Variants in SAPCD2 observed in about 807,000 individuals in gnomAD.
SAPCD2 encodes the protein suppressor APC domain-containing protein 2.
In SAPCD2, 34 loss-of-function variants were observed where a neutral mutation model predicts 37.8. The ratio of observed to expected loss-of-function variants is 0.90; its 90% CI spans 0.68 to 1.20. SAPCD2 has a LOEUF of 1.20. SAPCD2 is among the 50% of genes most tolerant of loss of function. The probability of loss-of-function intolerance (pLI) is 0.00; values close to 1 mark genes in which losing one functional copy is unlikely to be tolerated. For synonymous variants in SAPCD2, 275 were observed against 270.3 expected (o/e 1.02, Z -0.17); for missense variants, 572 against 584.7 (o/e 0.98, Z 0.22).
intron 2 of SAPCD2, 68 bp from the exon 3 acceptor site, chr9:137,065,736 G>A: frequency 1.3e-6 from 2 of 1,524,722 alleles, no homozygotes; most frequent in Non-Finnish European, 1.8e-6. Context: ...ACATGCATGA[G>A]CTCACCTGTG....
chr9:137,067,710 G>C (rs556553327), intron 1 of SAPCD2, among the ~76,000 whole-genome samples: 12 of 143,134 alleles, frequency 8.4e-5, no homozygotes, highest in East Asian at 6.5e-4. Context: ...GGAGGCGGAG[G>C]TTGCAGTGAG....
rs930119198 is a variant in SAPCD2 at position 137,070,369 on chromosome 9, C to A, written c.92G>T (p.Ser31Ile). Reference protein sequence around the residue: ...TEGLPRAFLQSLRTLFDILDD... With the variant: ...TEGLPRAFLQILRTLFDILDD... ...CAGGATGTCGAACAGGGTGCGCAGG[C>A]TCTGCAGGAAGGCGCGCGGCAGCCC... The change falls in exon 1 of 6, where the codon AGC (serine) becomes ATC (isoleucine). Residue 31 changes from serine (S) to isoleucine (I), a missense_variant. Physicochemically the swap from Ser to Ile is moderately radical, Grantham distance 142 (BLOSUM62 -2). Coordinates refer to ENST00000409687, the MANE Select transcript of SAPCD2 (RefSeq NM_178448.4). 7.0e-7 allele frequency: 1 copy of A among 1,434,040 alleles called. No homozygotes were observed. The highest frequency in any genetic ancestry group is 3.1e-5 in the East Asian group (1 of 32,632). 88.8% of individuals were successfully genotyped at this position (1,434,040 alleles called of 1,614,324 possible).
Position 137,068,345 on chromosome 9 carries a change from G to C in SAPCD2, c.571+1545C>G, listed in dbSNP as rs1485255829. On this transcript the variant is annotated intron_variant, in intron 1 of 5. Transcript: ENST00000409687. ...CCATAGAGCAGCTCCTGGGTCCCCA[G>C]ATAGCAGCGTGCTGGGTGATGAGCT... 3.9e-5 allele frequency among the ~76,000 whole-genome samples: 6 copies of C among 152,254 alleles called. No homozygotes were observed. The East Asian group carries it at 1.2e-3, about 29-fold the overall frequency.
Position 137,064,540 on chromosome 9 carries a change from C to A in SAPCD2, c.*119G>T. The A allele has an allele frequency of 1.6e-6, 2 of 1,248,830 alleles. No individual in the cohort carries two copies. Among genetic ancestry groups the A allele is most frequent in the Middle Eastern group, 5.4e-4 (2 of 3,726 alleles). 77.4% of individuals were successfully genotyped at this position (1,248,830 alleles called of 1,614,324 possible). A position where few individuals can be genotyped will look rare whatever the true frequency, so the allele number is the denominator to read the frequency against. On this transcript the variant is annotated 3_prime_UTR_variant, in exon 6 of 6. Transcript: ENST00000409687. Reference sequence around the variant, plus strand: ...AAGGGCGGCAGGAAGGCGCCCACTCCGGGACTGTGCCTGGGCCTGCCGGGG... The same window carrying A: ...AAGGGCGGCAGGAAGGCGCCCACTCAGGGACTGTGCCTGGGCCTGCCGGGG...
Position 137,064,972 on chromosome 9 carries a change from G to T in SAPCD2, c.947C>A (p.Pro316His). 1 of 1,525,716 alleles carries T rather than the reference G, an allele frequency of 6.6e-7. No individual in the cohort carries two copies. Among genetic ancestry groups the T allele is most frequent in the Middle Eastern group, 1.8e-4 (1 of 5,414 alleles). 94.5% of individuals were successfully genotyped at this position (1,525,716 alleles called of 1,614,324 possible). A position where few individuals can be genotyped will look rare whatever the true frequency, so the allele number is the denominator to read the frequency against. The change falls in exon 5 of 6, where the codon CCC (proline) becomes CAC (histidine). Residue 316 changes from proline to histidine, a missense_variant. Physicochemically the swap from Pro to His is moderately conservative, Grantham distance 77. Coordinates refer to ENST00000409687, the MANE Select transcript of SAPCD2 (RefSeq NM_178448.4). ...GCAGGGGGGCCCGGAGGAGGACGGG[G>T]GCAGGGCCTGCGGGAGGGCAGGATT... ...LAAACASRAL[P>H]PSSSGPPCPA...
In SAPCD2 at chr9:137,064,743, CT is replaced by C; in HGVS notation, c.1100del (p.Glu367GlyfsTer15). 6.3e-7 allele frequency: 1 copy of C among 1,593,120 alleles called. No homozygotes were observed. Among genetic ancestry groups the C allele is most frequent in the Non-Finnish European group, 8.5e-7 (1 of 1,170,634 alleles). ...ACAGCTGCTTAATGAGCGCCGACTTCTCCTGCTCCAGCTGCGTGATGCGCTC... is the reference window on the plus strand; with the variant it reads ...ACAGCTGCTTAATGAGCGCCGACTTCCCTGCTCCAGCTGCGTGATGCGCTC... ...KSERITQLEQ[E>X]KSALIKQLFE... On this transcript the variant is annotated frameshift_variant, in exon 6 of 6. Coordinates refer to ENST00000409687, the MANE Select transcript of SAPCD2 (RefSeq NM_178448.4). LOFTEE classifies it high-confidence loss of function.
At chr9:137,065,969 C>T (rs1455981129) in intron 2 of SAPCD2, among the ~76,000 whole-genome samples, 3 of 152,140 alleles carry the variant, frequency 2.0e-5, no homozygotes, top group Non-Finnish European at 4.4e-5. Context: ...CCCACCCTCC[C>T]GAAGTCTGCC....
Position 137,069,960 on chromosome 9 carries a change from C to T in SAPCD2, c.501G>A (p.Ala167=), listed in dbSNP as rs1832600000. ...SPEQLCAPAE[A]APCPAEPERS... is the part of the protein sequence containing the mutation. ...GCTCGGGCTCCGCGGGGCAGGGCGC[C>T]GCCTCAGCCGGGGCGCACAGCTGCT... is the stretch of plus-strand genomic sequence containing the variant. The change falls in exon 1 of 6, where the codon GCG becomes GCA. Residue 167 remains alanine (A), a synonymous_variant. Coordinates refer to ENST00000409687, the MANE Select transcript of SAPCD2 (RefSeq NM_178448.4). 1.6e-6 allele frequency: 2 copies of T among 1,251,278 alleles called. No homozygotes were observed. The highest frequency in any genetic ancestry group is 2.0e-6 in the Non-Finnish European group (2 of 999,050). 77.5% of individuals were successfully genotyped at this position (1,251,278 alleles called of 1,614,324 possible).
At chr9:137,065,011 C>G in intron 4 of SAPCD2, 32 bp from the exon 5 acceptor site, 3 of 1,493,942 alleles carry the variant, frequency 2.0e-6, no homozygotes, top group South Asian at 1.2e-5. Context: ...CAGGCCTGGA[C>G]GAGGGCGGGG....
intron 1 of SAPCD2, among the ~76,000 whole-genome samples, chr9:137,069,293 G>A (rs112964342): frequency 1.7e-3 from 253 of 152,306 alleles, no homozygotes; most frequent in African/African-American, 5.3e-3. Context: ...GTCCCTCCAT[G>A]GCATCTGCCA....
Position 137,069,979 on chromosome 9 carries a change from A to G in SAPCD2, c.482T>C (p.Leu161Pro), listed in dbSNP as rs1024771099. The change falls in exon 1 of 6, where the codon CTG (leucine) becomes CCG (proline). Residue 161 changes from leucine to proline, a missense_variant. Transcript: ENST00000409687. ...PSAAARSPEQ[L>P]CAPAEAAPCP... ...GGGCGCCGCCTCAGCCGGGGCGCAC[A>G]GCTGCTCCGGGCTGCGGGCGGCGGC... 13 of 1,237,686 alleles carry G rather than the reference A, an allele frequency of 1.1e-5. No individual in the cohort carries two copies. The highest frequency in any genetic ancestry group is 1.1e-5 in the Non-Finnish European group (11 of 991,590). 76.7% of individuals were successfully genotyped at this position (1,237,686 alleles called of 1,614,324 possible).
intron 1 of SAPCD2, among the ~76,000 whole-genome samples, chr9:137,069,371 T>C (rs2131531846): frequency 6.6e-6 from 1 of 152,202 alleles, no homozygotes; most frequent in South Asian, 2.1e-4. Flanking sequence ...CAGGGCCAGG[T>C]CCTCTTGGGC....
At chr9:137,068,625 TTGTC>T (rs1269421325) in intron 1 of SAPCD2, among the ~76,000 whole-genome samples, 6 of 152,212 alleles carry the variant, frequency 3.9e-5, no homozygotes, top group Non-Finnish European at 5.9e-5. Context: ...GTCACGCCAT[TTGTC>T]TGGCCCTCCG....
intron 1 of SAPCD2, among the ~76,000 whole-genome samples, chr9:137,066,894 C>A (rs1001828812): frequency 1.3e-5 from 2 of 152,190 alleles, no homozygotes; most frequent in African/African-American, 2.4e-5. Context: ...CAGTGGCTCA[C>A]GCCTGTAATC....
chr9:137,064,704 G>A lies in SAPCD2; in HGVS notation c.1140C>T (p.Ala380=). The change falls in exon 6 of 6, where the codon GCC becomes GCT. Residue 380 remains alanine (A), a synonymous_variant. Coordinates refer to ENST00000409687, the MANE Select transcript of SAPCD2 (RefSeq NM_178448.4). ...ALIKQLFEAR[A]LSQQDGGPLD... The stretch of plus-strand genomic sequence containing the variant: ...GAGGTCCCCCGTCCTGCTGGCTCAG[G>A]GCGCGGGCCTCAAACAGCTGCTTAA... 6.3e-7 allele frequency: 1 copy of A among 1,595,678 alleles called. No homozygotes were observed. Among genetic ancestry groups the A allele is most frequent in the East Asian group, 2.3e-5 (1 of 44,014 alleles).
At chr9:137,066,446 CT>C in intron 1 of SAPCD2, 72 bp from the exon 2 acceptor site, 1 of 1,155,344 alleles carries the variant, frequency 8.7e-7, no homozygotes, top group Non-Finnish European at 1.2e-6. Flanking sequence ...GTGCAGCGGC[CT>C]CCACATCTCA....
intron 2 of SAPCD2, 129 bp downstream of exon 2, chr9:137,066,133 A>C: frequency 1.3e-6 from 1 of 753,742 alleles, no homozygotes; most frequent in South Asian, 1.6e-5. Flanking sequence ...CCAGGTAGGG[A>C]GAGAGATGTC....
Position 137,064,725 on chromosome 9 carries a change from C to T in SAPCD2, c.1119G>A (p.Lys373=). Residue 373 remains lysine (K), a synonymous_variant, in exon 6 of 6, where the codon AAG becomes AAA. Coordinates refer to ENST00000409687, the MANE Select transcript of SAPCD2 (RefSeq NM_178448.4). ...QLEQEKSALI[K]QLFEARALSQ... ...TCAGGGCGCGGGCCTCAAACAGCTG[C>T]TTAATGAGCGCCGACTTCTCCTGCT... 6.3e-7 allele frequency: 1 copy of T among 1,592,084 alleles called. No individual in the cohort carries two copies. Among genetic ancestry groups the T allele is most frequent in the Non-Finnish European group, 8.5e-7 (1 of 1,170,278 alleles).
Position 137,064,780 on chromosome 9 carries a change from G to C in SAPCD2, c.1064C>G (p.Thr355Ser), listed in dbSNP as rs1261582793. 2 of 1,594,170 alleles carry C rather than the reference G, an allele frequency of 1.3e-6. No homozygotes were observed. Among genetic ancestry groups the C allele is most frequent in the South Asian group, 1.1e-5 (1 of 88,306 alleles). The change falls in exon 6 of 6, where the codon ACC (threonine) becomes AGC (serine). Residue 355 changes from threonine (T) to serine (S), a missense_variant. Transcript: ENST00000409687. ...EQNRLLTQEVTEKSERITQLE... is the reference protein window; with the variant it reads ...EQNRLLTQEVSEKSERITQLE... ...CTGCGTGATGCGCTCACTCTTCTCG[G>C]TCACCTCCTGGGCAGGTGCACAGTT...
Sources: allele counts gnomAD v4.1 joint callset (sites outside exome capture counted in the v4.1 genomes callset), GRCh38; gene constraint gnomAD v4.1.1; transcripts MANE v1.5; gene names NCBI Gene and HGNC (gene_info 2026-07-23, HGNC 2026-07-21).